Variants in ANKRD30B observed in about 807,000 individuals in gnomAD.
The protein encoded by ANKRD30B is ankyrin repeat domain 30B, also known as ankyrin repeat domain-containing protein 30B.
ANKRD30B carries 144 observed loss-of-function variants against 202.2 expected under a neutral mutation model. The ratio of observed to expected loss-of-function variants is 0.71; its 90% CI spans 0.62 to 0.82. ANKRD30B has a LOEUF of 0.82. Among genes scored for constraint, ANKRD30B ranks in the 40% least tolerant of loss-of-function variants. The pLI is 0.00. For synonymous variants in ANKRD30B, 508 were observed against 561.3 expected (o/e 0.91, Z 1.34); for missense variants, 1,487 against 1,669.1 (o/e 0.89, Z 1.90).
At chr18:14,821,106 C>T (rs1380499537) in intron 30 of ANKRD30B, among the ~76,000 whole-genome samples, 3 of 152,058 alleles carry the variant, frequency 2.0e-5, no homozygotes, top group African/African-American at 4.8e-5. Flanking sequence ...GTGTGTGTAT[C>T]GAGGAATTTA....
downstream of ANKRD30B, among the ~76,000 whole-genome samples, chr18:14,856,115 C>G (rs770575705): frequency 7.4e-6 from 1 of 135,628 alleles, no homozygotes; most frequent in African/African-American, 2.7e-5. Flanking sequence ...ACCTCCCAGA[C>G]GGGGAGACCA....
the ANKRD30B span, among the ~76,000 whole-genome samples, chr18:14,938,245 A>G: frequency 2.0e-3 from 312 of 152,352 alleles, 1 homozygote; most frequent in African/African-American, 7.3e-3. Context: ...TCAGTCACTC[A>G]TTTTGGATTA....
At chr18:14,770,653 C>G (rs754344302) in intron 8 of ANKRD30B, among the ~76,000 whole-genome samples, 2 of 152,080 alleles carry the variant, frequency 1.3e-5, no homozygotes, top group Non-Finnish European at 2.9e-5. Flanking sequence ...GATTTTATGA[C>G]AAGTTTGATT....
At chr18:14,924,551 A>C in the ANKRD30B span, among the ~76,000 whole-genome samples, 3 of 152,224 alleles carry the variant, frequency 2.0e-5, no homozygotes, top group East Asian at 5.8e-4. Context: ...AGGAACTGGC[A>C]TGAGGCCCTA....
intron 11 of ANKRD30B, 63 bp downstream of exon 11, chr18:14,780,084 C>A: frequency 9.0e-7 from 1 of 1,106,754 alleles, no homozygotes; most frequent in Non-Finnish European, 1.2e-6. Context: ...TGTGAAAATG[C>A]AAAATCAGAG....
In ANKRD30B at chr18:14,852,184, C is replaced by G. The variant is rs571102084; in HGVS notation, c.4240C>G (p.Gln1414Glu). The change falls in exon 42 of 44, where the codon CAG (glutamine) becomes GAG (glutamate). Residue 1414 changes from glutamine (Q) to glutamate (E), a missense_variant. Around this residue, in one of 6 missense-constraint regions of ANKRD30B, gnomAD observed 182 missense variants for 216.0 expected, o/e 0.84. Coordinates refer to ENST00000690538, the MANE Select transcript of ANKRD30B (RefSeq NM_001367607.2). ...EQDNVDKHTE[Q>E]QESLEQKLFQ... ...AGATAATGTGGACAAACACACTGAA[C>G]AGCAGGAGTCTCTGGAGCAGAAATT... 6.9e-6 allele frequency: 11 copies of G among 1,594,126 alleles called. No homozygotes were observed. The highest frequency in any genetic ancestry group is 8.5e-6 in the Non-Finnish European group (10 of 1,170,176).
At chr18:14,909,053 C>T in the ANKRD30B span, among the ~76,000 whole-genome samples, 29 of 152,126 alleles carry the variant, frequency 1.9e-4, no homozygotes, top group Non-Finnish European at 3.2e-4. Context: ...CAGCCTTTGT[C>T]GTCTGATGGG....
In ANKRD30B at chr18:14,776,063, GAAGT is replaced by G. The variant is rs1171900867; in HGVS notation, c.1330-1918_1330-1915del. On this transcript the variant is annotated intron_variant, in intron 9 of 43. Coordinates refer to ENST00000690538, the MANE Select transcript of ANKRD30B (RefSeq NM_001367607.2). ...AGCAGTATTGTTAGCACAAGAATGGGAAGTAAGAACAGGCATGTGGATTTCTAAT... is the reference window on the plus strand; with the variant it reads ...AGCAGTATTGTTAGCACAAGAATGGGAAGAACAGGCATGTGGATTTCTAAT... Among the ~76,000 whole-genome samples the G allele has an allele frequency of 2.0e-5, 3 of 152,198 alleles. No individual in the cohort carries two copies. In the East Asian group the frequency reaches 5.8e-4, roughly 29 times the overall value.
intron 32 of ANKRD30B, among the ~76,000 whole-genome samples, chr18:14,825,401 G>A (rs1375879764): frequency 1.3e-5 from 2 of 152,162 alleles, no homozygotes; most frequent in East Asian, 3.9e-4. Flanking sequence ...TGACAAAACT[G>A]TTGAGTAAAC....
At chr18:14,798,467 T>C (rs9748759) in intron 20 of ANKRD30B, among the ~76,000 whole-genome samples, 87,293 of 151,942 alleles carry the variant, frequency 0.57, 25,873 homozygotes, top group African/African-American at 0.72. Flanking sequence ...TATTAATCAG[T>C]AGTAACAGTT....
At chr18:14,769,537 A>G (rs538836734) in intron 8 of ANKRD30B, among the ~76,000 whole-genome samples, 164 bp downstream of exon 8, 1 of 152,332 alleles carries the variant, frequency 6.6e-6, no homozygotes, top group African/African-American at 2.4e-5. Context: ...CATCTGTGCT[A>G]CTGTCACATA....
chr18:14,861,694 C>A, the ANKRD30B span, among the ~76,000 whole-genome samples: 2 of 151,362 alleles, frequency 1.3e-5, no homozygotes, highest in Non-Finnish European at 2.9e-5. Flanking sequence ...CAACACCCCA[C>A]CGACAGCAGT....
chr18:14,880,103 C>A, the ANKRD30B span, among the ~76,000 whole-genome samples: 10 of 151,762 alleles, frequency 6.6e-5, no homozygotes, highest in Non-Finnish European at 1.2e-4. Flanking sequence ...ACATGTGGCT[C>A]GCCAATTATC....
At chr18:14,917,621 C>T in the ANKRD30B span, among the ~76,000 whole-genome samples, 6 of 152,214 alleles carry the variant, frequency 3.9e-5, no homozygotes, top group African/African-American at 1.4e-4. Context: ...CAGTTTCACA[C>T]ATCAGAATCC....
intron 24 of ANKRD30B, chr18:14,808,336 C>T (rs1969662585): frequency 1.4e-5 from 8 of 577,100 alleles, no homozygotes; most frequent in Non-Finnish European, 2.3e-5. Flanking sequence ...ATCTTCATAG[C>T]ACGTTTGATG....
intron 7 of ANKRD30B, among the ~76,000 whole-genome samples, 193 bp from the exon 8 acceptor site, chr18:14,769,150 A>G (rs1916707328): frequency 6.6e-6 from 1 of 152,164 alleles, no homozygotes; most frequent in African/African-American, 2.4e-5. Context: ...ATTCTTTTAA[A>G]TTAAGTTGAA....
chr18:14,831,969 T>C (rs1304004905), intron 34 of ANKRD30B, among the ~76,000 whole-genome samples: 1 of 152,192 alleles, frequency 6.6e-6, no homozygotes, highest in Non-Finnish European at 1.5e-5. Flanking sequence ...TATAGGTTTT[T>C]TTGGCGCATA....
At chr18:14,807,765 T>C (rs1374385133) in intron 24 of ANKRD30B, among the ~76,000 whole-genome samples, 6 of 150,720 alleles carry the variant, frequency 4.0e-5, no homozygotes, top group African/African-American at 9.8e-5. Flanking sequence ...CTCCTGGCCT[T>C]GAGAGATCCA....
chr18:14,849,485 A>C (rs187376313), intron 40 of ANKRD30B, among the ~76,000 whole-genome samples: 5 of 151,940 alleles, frequency 3.3e-5, no homozygotes, highest in African/African-American at 1.2e-4. Flanking sequence ...AATATAAAGA[A>C]AATATAATTT....
Sources: gnomAD v4.1 joint callset for allele counts (sites outside exome capture counted in the v4.1 genomes callset) on GRCh38, gnomAD v4.1.1 for gene constraint, gnomAD v4.1.1 regional missense constraint, MANE v1.5 for transcripts, NCBI Gene and HGNC (gene_info 2026-07-23, HGNC 2026-07-21) for gene names.